Variants in HEATR5A observed in about 807,000 individuals in gnomAD.
HEATR5A encodes the protein HEAT repeat-containing protein 5A.
Under a neutral mutation model 218.8 loss-of-function variants are expected in HEATR5A, and 178 were observed. That is an observed-to-expected ratio of 0.81 (90% CI 0.72 to 0.92). The LOEUF (loss-of-function observed/expected upper bound fraction) is 0.92, where lower values mean the gene tolerates loss of function less well. HEATR5A is among the 40% of genes least tolerant of loss of function. The pLI, the probability that HEATR5A is intolerant of heterozygous loss-of-function variation, is 0.00. For synonymous variants in HEATR5A, 864 were observed against 871.6 expected (o/e 0.99, Z 0.15); for missense variants, 2,420 against 2,418.9 (o/e 1.00, Z -0.01).
intron 9 of HEATR5A, among the ~76,000 whole-genome samples, chr14:31,385,508 A>G (rs1790593315): frequency 6.6e-6 from 1 of 152,152 alleles, no homozygotes; most frequent in South Asian, 2.1e-4. Flanking sequence ...TTTTTTTAAC[A>G]TGAAATATCC....
intron 13 of HEATR5A, among the ~76,000 whole-genome samples, chr14:31,368,081 G>A (rs1566770662): frequency 6.6e-6 from 1 of 152,050 alleles, no homozygotes; most frequent in Non-Finnish European, 1.5e-5. Context: ...TGGGAGGTAG[G>A]GCCTTTTGGT....
intron 8 of HEATR5A, 92 bp downstream of exon 8, chr14:31,387,028 G>A (rs2030253400): frequency 3.2e-6 from 4 of 1,236,090 alleles, no homozygotes; most frequent in Non-Finnish European, 4.6e-6. Flanking sequence ...CAAGGTTTCT[G>A]TATTAATATA....
chr14:31,381,759 C>T (rs1044472822), intron 10 of HEATR5A, among the ~76,000 whole-genome samples: 1 of 152,000 alleles, frequency 6.6e-6, no homozygotes, highest in African/African-American at 2.4e-5. Context: ...GCACTCTGGC[C>T]TAGGTGACAA....
chr14:31,395,368 T>C lies in HEATR5A; in HGVS notation c.448-20A>G. ...TTGAGACTTCCAAAAAGAAAAAAAA[T>C]TAAATAGGAAAAATAATTAAACTGC... On this transcript the variant is annotated intron_variant, in intron 4 of 35. Coordinates refer to ENST00000543095, the MANE Select transcript of HEATR5A (RefSeq NM_015473.4). 7.3e-7 allele frequency: 1 copy of C among 1,374,068 alleles called. No homozygotes were observed. Among genetic ancestry groups the C allele is most frequent in the Non-Finnish European group, 9.8e-7 (1 of 1,016,174 alleles). The allele number at this position is 1,374,068 out of a possible 1,614,324, so 85.1% of individuals were successfully genotyped here.
At position 31,291,897 on chromosome 14, in the gene HEATR5A, CATA is replaced by C. The variant is rs1202178871; in HGVS notation, c.*1405_*1407del. On this transcript the variant is annotated 3_prime_UTR_variant, in exon 36 of 36. Coordinates refer to ENST00000543095, the MANE Select transcript of HEATR5A (RefSeq NM_015473.4). ...ATTTACAATAGTATTTATATACAAA[CATA>C]ATAAAATAGGTACATCACATTGTTC... 1 of 152,036 alleles carries C rather than the reference CATA, an allele frequency of 6.6e-6. No homozygotes were observed. Among genetic ancestry groups the C allele is most frequent in the Non-Finnish European group, 1.5e-5 (1 of 68,024 alleles). 9.4% of individuals were successfully genotyped at this position (152,036 alleles called of 1,614,324 possible).
intron 22 of HEATR5A, among the ~76,000 whole-genome samples, chr14:31,328,303 C>G (rs980084954): frequency 6.6e-6 from 1 of 151,958 alleles, no homozygotes; most frequent in Non-Finnish European, 1.5e-5. Context: ...GAGAAATTAT[C>G]TTTTAAATAT....
chr14:31,405,228 G>A (rs545386828), intron 1 of HEATR5A, among the ~76,000 whole-genome samples: 7 of 152,206 alleles, frequency 4.6e-5, no homozygotes, highest in South Asian at 4.1e-4. Context: ...GAACTCAGGC[G>A]TTTGAGACCA....
chr14:31,394,587 G>T (rs953764242), intron 5 of HEATR5A, among the ~76,000 whole-genome samples: 1 of 151,960 alleles, frequency 6.6e-6, no homozygotes, highest in Non-Finnish European at 1.5e-5. Context: ...AGGCCAAGGC[G>T]GGCGGATCAC....
At chr14:31,343,233 C>T (rs1274112593) in intron 21 of HEATR5A, among the ~76,000 whole-genome samples, 1 of 152,144 alleles carries the variant, frequency 6.6e-6, no homozygotes, top group East Asian at 1.9e-4. Flanking sequence ...GCTGGGATTA[C>T]AGGCACCCAC....
intron 19 of HEATR5A, among the ~76,000 whole-genome samples, chr14:31,345,478 G>A: frequency 6.6e-6 from 1 of 152,162 alleles, no homozygotes; most frequent in Non-Finnish European, 1.5e-5. Flanking sequence ...ATTAAGAATT[G>A]CAAGTAATAG....
rs1899054227 is a variant in HEATR5A, at chr14:31,292,356, T to C, written c.*949A>G. 6.6e-6 allele frequency: 1 copy of C among 152,188 alleles called. No homozygotes were observed. The highest frequency in any genetic ancestry group is 6.6e-5 in the Admixed American group (1 of 15,264). 9.4% of individuals were successfully genotyped at this position (152,188 alleles called of 1,614,324 possible). ...AAAATAGTGGAAATGGCTTATTCTA[T>C]TTAAAATGAGTAAGACTCAATTTCT... On this transcript the variant is annotated 3_prime_UTR_variant, in exon 36 of 36. Coordinates refer to ENST00000543095, the MANE Select transcript of HEATR5A (RefSeq NM_015473.4).
At chr14:31,349,315 C>A (rs975776149) in intron 18 of HEATR5A, among the ~76,000 whole-genome samples, 1 of 151,782 alleles carries the variant, frequency 6.6e-6, no homozygotes, top group Non-Finnish European at 1.5e-5. Flanking sequence ...ACCTGGGAGG[C>A]GGAGCTTGCA....
At chr14:31,320,916 T>C (rs1900078914) in intron 25 of HEATR5A, among the ~76,000 whole-genome samples, 1 of 152,114 alleles carries the variant, frequency 6.6e-6, no homozygotes, top group Non-Finnish European at 1.5e-5. Flanking sequence ...TGCTTTTACT[T>C]GAAGCTTTAT....
intron 22 of HEATR5A, among the ~76,000 whole-genome samples, chr14:31,330,966 G>C (rs1358719875): frequency 2.8e-5 from 3 of 108,676 alleles, no homozygotes; most frequent in African/African-American, 1.1e-4. Context: ...TTTTGAGACA[G>C]AGTCTCACTT....
rs1208330073 is a variant in HEATR5A at position 31,343,883 on chromosome 14, A to G, written c.3228+13T>C. 6.4e-7 allele frequency: 1 copy of G among 1,568,026 alleles called. No individual in the cohort carries two copies. On this transcript the variant is annotated intron_variant, in intron 21 of 35. Transcript: ENST00000543095. Reference sequence around the variant, plus strand: ...AAAAGAAACTAAGAGCTCGTTTACAATTCTATACTCACACAGAGGCAGCTA... The same window carrying G: ...AAAAGAAACTAAGAGCTCGTTTACAGTTCTATACTCACACAGAGGCAGCTA...
chr14:31,294,114 TAAGAG>T lies in HEATR5A; in HGVS notation c.5620-15_5620-11del. 1 of 1,533,368 alleles carries T rather than the reference TAAGAG, an allele frequency of 6.5e-7. No homozygotes were observed. The allele number at this position is 1,533,368 out of a possible 1,614,324, so 95.0% of individuals were successfully genotyped here. Reference sequence around the variant, plus strand: ...AGGTCTTGATTTGTACCTAATAAGGTAAGAGAAAAGAATAGCAAATACTATAAATA... The same window carrying T: ...AGGTCTTGATTTGTACCTAATAAGGTAAAAGAATAGCAAATACTATAAATA... On this transcript the variant is annotated splice_polypyrimidine_tract_variant and intron_variant, in intron 34 of 35. Coordinates refer to ENST00000543095, the MANE Select transcript of HEATR5A (RefSeq NM_015473.4).
intron 27 of HEATR5A, among the ~76,000 whole-genome samples, chr14:31,314,195 G>A (rs900191377): frequency 1.5e-4 from 23 of 152,034 alleles, no homozygotes; most frequent in African/African-American, 3.9e-4. Flanking sequence ...TGATCTGCCC[G>A]CCTCAGCCTC....
chr14:31,385,268 A>G (rs898392692), intron 9 of HEATR5A, among the ~76,000 whole-genome samples: 4 of 151,970 alleles, frequency 2.6e-5, no homozygotes, highest in Non-Finnish European at 4.4e-5. Flanking sequence ...TAGGACTACT[A>G]CAAGTGCACA....
At chr14:31,324,565 A>T (rs1900204507) in intron 23 of HEATR5A, among the ~76,000 whole-genome samples, 1 of 152,246 alleles carries the variant, frequency 6.6e-6, no homozygotes, top group Non-Finnish European at 1.5e-5. Context: ...AAACCTCAGA[A>T]GATGAAGAAT....
Sources: gnomAD v4.1 joint callset for allele counts (sites outside exome capture counted in the v4.1 genomes callset) on GRCh38, gnomAD v4.1.1 for gene constraint, MANE v1.5 for transcripts, NCBI Gene and HGNC (gene_info 2026-07-23, HGNC 2026-07-21) for gene names.